NFIB: variants seen among roughly 807,000 people sequenced by gnomAD.
NFIB encodes nuclear factor I B, also known as nuclear factor 1 B-type.
NFIB carries 11 observed loss-of-function variants against 61.5 expected under a neutral mutation model. The ratio of observed to expected loss-of-function variants is 0.18; its 90% CI spans 0.11 to 0.30. The LOEUF (loss-of-function observed/expected upper bound fraction) is 0.30. NFIB is among the 10% of genes least tolerant of loss of function. The pLI, the probability that NFIB is intolerant of heterozygous loss-of-function variation, is 1.00. For missense variants in NFIB, 471 were observed against 608.9 expected (o/e 0.77, Z 2.38); for synonymous variants, 260 against 216.5 (o/e 1.20, Z -1.76).
intron 1 of NFIB, among the ~76,000 whole-genome samples, chr9:14,389,914 T>C (rs1437070180): frequency 6.6e-6 from 1 of 152,220 alleles, no homozygotes; most frequent in Non-Finnish European, 1.5e-5. Context: ...GGCAGTTGTG[T>C]CATGGATAAA....
At chr9:14,133,187 TTA>T (rs2130961669) in intron 6 of NFIB, among the ~76,000 whole-genome samples, 1 of 152,250 alleles carries the variant, frequency 6.6e-6, no homozygotes, top group African/African-American at 2.4e-5. Context: ...TAGATTTTTT[TTA>T]AAAGAGTTTT....
chr9:14,375,659 CAA>C (rs527864761), intron 1 of NFIB, among the ~76,000 whole-genome samples: 1 of 140,836 alleles, frequency 7.1e-6, no homozygotes. Flanking sequence ...AACTCCATCT[CAA>C]AAAAAAAAAA....
the NFIB span, among the ~76,000 whole-genome samples, chr9:14,448,473 G>T: frequency 1.3e-5 from 2 of 152,290 alleles, no homozygotes; most frequent in South Asian, 4.1e-4. Context: ...TCCCATGAGA[G>T]TGGCAGTAAT....
At chr9:14,431,402 C>G in the NFIB span, among the ~76,000 whole-genome samples, 1 of 152,052 alleles carries the variant, frequency 6.6e-6, no homozygotes. Flanking sequence ...AGTCCTTTTG[C>G]TAATGGAAAA....
intron 2 of NFIB, among the ~76,000 whole-genome samples, chr9:14,214,101 C>A (rs78708324): frequency 0.027 from 4,114 of 152,288 alleles, 175 homozygotes; most frequent in African/African-American, 0.091. Context: ...CCCAAATAGG[C>A]CACATCCTAG....
intron 6 of NFIB, among the ~76,000 whole-genome samples, chr9:14,140,027 C>G (rs1352241351): frequency 6.6e-6 from 1 of 152,124 alleles, no homozygotes; most frequent in Admixed American, 6.6e-5. Context: ...CAAATTCAAA[C>G]CATCTCTTCT....
At chr9:14,332,188 C>A (rs915555994) in intron 1 of NFIB, among the ~76,000 whole-genome samples, 23 of 152,046 alleles carry the variant, frequency 1.5e-4, no homozygotes, top group African/African-American at 5.5e-4. Flanking sequence ...CAAAAACTAA[C>A]TGGGCGTCGT....
chr9:14,104,447 A>G (rs991522583), intron 10 of NFIB, among the ~76,000 whole-genome samples: 2 of 151,996 alleles, frequency 1.3e-5, no homozygotes, highest in South Asian at 2.1e-4. Context: ...TTTTTACTGT[A>G]AAAGTTTTAA....
At chr9:14,497,527 A>T in the NFIB span, among the ~76,000 whole-genome samples, 1 of 152,130 alleles carries the variant, frequency 6.6e-6, no homozygotes, top group Non-Finnish European at 1.5e-5. Context: ...GAAGAACTAA[A>T]GCCAAACATA....
At chr9:14,315,561 G>A (rs1200917487), upstream of NFIB, among the ~76,000 whole-genome samples, 2 of 142,990 alleles carry the variant, frequency 1.4e-5, no homozygotes, top group Non-Finnish European at 3.1e-5. Context: ...CGGCGGGCGC[G>A]CGCGCGCCGC....
the NFIB span, among the ~76,000 whole-genome samples, chr9:14,476,175 TA>T: frequency 1.3e-5 from 2 of 151,436 alleles, no homozygotes; most frequent in African/African-American, 4.8e-5. Flanking sequence ...AAAGGAAAAA[TA>T]TTTTTTTTTC....
intron 5 of NFIB, among the ~76,000 whole-genome samples, chr9:14,148,125 T>C (rs903018797): frequency 5.9e-5 from 9 of 152,064 alleles, no homozygotes; most frequent in African/African-American, 1.9e-4. Context: ...TTTTCTTTTT[T>C]TGTTTGTTTG....
At position 14,187,261 on chromosome 9, in the gene NFIB, T is replaced by TTTGTTTG. The variant is rs561590258; in HGVS notation, c.563-7482_563-7481insCAAACAA. Among the ~76,000 whole-genome samples the TTTGTTTG allele has an allele frequency of 6.8e-3, 1,031 of 151,752 alleles. 8 individuals carry two copies. The highest frequency in any genetic ancestry group is 0.023 in the African/African-American group (941 of 41,090). On this transcript the variant is annotated intron_variant, in intron 2 of 10. Transcript: ENST00000380953. ...TTGTTTGTTGTTTGTTTGTTTGTTTTTTTAGTGAATCCGTACTCCTCCTAA... is the reference window on the plus strand; with the variant it reads ...TTGTTTGTTGTTTGTTTGTTTGTTTTTTGTTTGTTTAGTGAATCCGTACTCCTCCTAA...
intron 1 of NFIB, among the ~76,000 whole-genome samples, chr9:14,319,982 C>G (rs547503506): frequency 2.1e-4 from 32 of 152,170 alleles, no homozygotes; most frequent in African/African-American, 7.7e-4. Flanking sequence ...GAAATTTTAA[C>G]TACACAAGCC....
chr9:14,467,606 T>C, the NFIB span, among the ~76,000 whole-genome samples: 1 of 152,220 alleles, frequency 6.6e-6, no homozygotes, highest in Non-Finnish European at 1.5e-5. Flanking sequence ...ATTCAGTCAA[T>C]TGGCATTCAT....
Position 14,161,465 on chromosome 9 carries a change from T to G in NFIB, c.617-5572A>C, listed in dbSNP as rs1451472113. On this transcript the variant is annotated intron_variant, in intron 3 of 10. Coordinates refer to ENST00000380953, the MANE Select transcript of NFIB (RefSeq NM_001190737.2). ...ACACGCCCTGATAGCATTATATTTT[T>G]TTCAATATTTCCTTCCAGTCCTTTA... 3.3e-5 allele frequency among the ~76,000 whole-genome samples: 5 copies of G among 151,888 alleles called. No homozygotes were observed. In the East Asian group the frequency reaches 9.6e-4, roughly 29 times the overall value.
chr9:14,170,104 T>A (rs923245692), intron 3 of NFIB, among the ~76,000 whole-genome samples: 2 of 152,082 alleles, frequency 1.3e-5, no homozygotes, highest in African/African-American at 4.8e-5. Flanking sequence ...CAAGTGAGAG[T>A]TGCCTTAGTG....
chr9:14,212,775 C>T (rs531419150), intron 2 of NFIB, among the ~76,000 whole-genome samples: 1 of 152,264 alleles, frequency 6.6e-6, no homozygotes, highest in Non-Finnish European at 1.5e-5. Flanking sequence ...AAATGCTTTA[C>T]AACTTACAAA....
At chr9:14,137,344 C>T (rs1339236987) in intron 6 of NFIB, among the ~76,000 whole-genome samples, 1 of 152,102 alleles carries the variant, frequency 6.6e-6, no homozygotes, top group Non-Finnish European at 1.5e-5. Context: ...TACGGGGCCT[C>T]CAAGCACATA....
Sources: gnomAD v4.1 joint callset for allele counts (sites outside exome capture counted in the v4.1 genomes callset) on GRCh38, gnomAD v4.1.1 for gene constraint, MANE v1.5 for transcripts, NCBI Gene and HGNC (gene_info 2026-07-23, HGNC 2026-07-21) for gene names.